The following ATP8B2 variants were observed in gnomAD, a reference collection of about 807,000 sequenced individuals.
The protein encoded by ATP8B2 is phospholipid-transporting ATPase ID.
A neutral mutation model predicts 133.4 loss-of-function variants in ATP8B2; 70 were observed. The ratio of observed to expected loss-of-function variants is 0.52; its 90% CI spans 0.43 to 0.64. ATP8B2 has a LOEUF of 0.64. Among genes scored for constraint, ATP8B2 ranks in the 30% least tolerant of loss-of-function variants. The probability of loss-of-function intolerance (pLI) is 0.00; values close to 1 mark genes in which losing one functional copy is unlikely to be tolerated. For missense variants in ATP8B2, 1,101 were observed against 1,535.7 expected, an observed-to-expected ratio of 0.72 and a Z score of 4.73; for synonymous variants, 517 against 589.5, an observed-to-expected ratio of 0.88 and a Z score of 1.78.
chr1:154,344,620 G>T lies in ATP8B2; in HGVS notation c.2142-21G>T. ...ACTGCCGTTCTGGAAGACCACAACC[G>T]TATCATTTCCACCTCGACAGGAAAG... On this transcript the variant is annotated intron_variant, in intron 20 of 27. Transcript: ENST00000368489. The surrounding 1 kb of genome is among the most constrained non-coding windows in gnomAD (Gnocchi z 4.1). 6.2e-7 allele frequency: 1 copy of T among 1,606,822 alleles called. No homozygotes were observed.
chr1:154,329,941 C>A (rs1394156009), intron 2 of ATP8B2, among the ~76,000 whole-genome samples: 4 of 152,160 alleles, frequency 2.6e-5, no homozygotes, highest in African/African-American at 9.7e-5. Flanking sequence ...CCACCTACCC[C>A]ACTCTCTAAA....
In ATP8B2 at chr1:154,344,135, A is replaced by AT. The variant is rs1400066921; in HGVS notation, c.1924-4dup. The AT allele has an allele frequency of 6.2e-7, 1 of 1,614,070 alleles. No homozygotes were observed. Among genetic ancestry groups the AT allele is most frequent in the Admixed American group, 1.7e-5 (1 of 60,006 alleles). ...TTCTTGTGCCAGGAATCCTTGTGGT[A>AT]TTTTCAGCTGCTGGGTGCAACGGCC... is the stretch of plus-strand genomic sequence containing the variant. On this transcript the variant is annotated splice_region_variant and splice_polypyrimidine_tract_variant and intron_variant, in intron 18 of 27. Coordinates refer to ENST00000368489, the MANE Select transcript of ATP8B2 (RefSeq NM_001370597.1). The surrounding 1 kb of genome is among the most constrained non-coding windows in gnomAD (Gnocchi z 4.1).
chr1:154,341,126 C>T (rs1686366282), intron 13 of ATP8B2, 64 bp downstream of exon 13: 1 of 1,549,690 alleles, frequency 6.5e-7, no homozygotes, highest in East Asian at 2.3e-5. Flanking sequence ...GGAACTGGGG[C>T]CCCACAGTTT....
Position 154,344,758 on chromosome 1 carries a change from C to A in ATP8B2, c.2259C>A (p.Tyr753Ter), listed in dbSNP as rs757088821. Residue 753 changes from tyrosine (Y) to a stop codon, truncating the protein, a stop_gained, in exon 21 of 28, where the codon TAC becomes TAA. Transcript: ENST00000368489. LOFTEE classifies it high-confidence loss of function. This position sits in a 1 kb window ranked among gnomAD's most constrained non-coding sequence, Gnocchi z 4.1. ...TSVLEAVAGEYALVINGHSLA... is the reference protein window; with the variant it reads ...TSVLEAVAGE ...TCCTGGAGGCCGTTGCTGGGGAGTA[C>A]GCCCTGGTCATAAATGGTCACAGCC... 2 of 1,605,082 alleles carry A rather than the reference C, an allele frequency of 1.2e-6. No individual in the cohort carries two copies. Among genetic ancestry groups the A allele is most frequent in the Non-Finnish European group, 1.7e-6 (2 of 1,172,544 alleles).
rs1022350460 is a variant in ATP8B2, at chr1:154,334,565, C to T, written c.811C>T (p.Arg271Cys). 21 of 1,613,820 alleles carry T rather than the reference C, an allele frequency of 1.3e-5. No individual in the cohort carries two copies. The highest frequency in any genetic ancestry group is 1.7e-5 in the Non-Finnish European group (20 of 1,179,996). Residue 271 changes from arginine to cysteine, a missense_variant, in exon 11 of 28, where the codon CGC becomes TGC. Transcript: ENST00000368489. The surrounding 1 kb of genome is among the most constrained non-coding windows in gnomAD (Gnocchi z 4.6). ...RTKFKRTSID[R>C]LMNTLVLWIF... is the part of the protein sequence containing the mutation. ...AAAGTTCAAAAGAACGAGTATCGAT[C>T]GCCTAATGAATACCCTGGTGCTCTG... is the stretch of plus-strand genomic sequence containing the variant.
intron 26 of ATP8B2, among the ~76,000 whole-genome samples, chr1:154,347,243 G>T (rs1185840844): frequency 6.6e-6 from 1 of 152,146 alleles, no homozygotes; most frequent in Non-Finnish European, 1.5e-5. Flanking sequence ...GGCTCTCTGG[G>T]AACTGTCAAT....
In ATP8B2 at chr1:154,344,960, C is replaced by T; in HGVS notation, c.2287-11C>T. On this transcript the variant is annotated splice_polypyrimidine_tract_variant and intron_variant, in intron 21 of 27. Transcript: ENST00000368489. This position sits in a 1 kb window ranked among gnomAD's most constrained non-coding sequence, Gnocchi z 4.1. ...GAAAGACTGGCTCTCTCAGGTTTCT[C>T]TGTGCTCCAGGCCCACGCACTGGAG... 6.2e-7 allele frequency: 1 copy of T among 1,604,194 alleles called. No homozygotes were observed. The highest frequency in any genetic ancestry group is 8.5e-7 in the Non-Finnish European group (1 of 1,174,300).
intron 26 of ATP8B2, among the ~76,000 whole-genome samples, chr1:154,347,906 A>G (rs893058625): frequency 2.0e-5 from 3 of 147,128 alleles, no homozygotes; most frequent in Non-Finnish European, 4.5e-5. Context: ...GCGCCATTGC[A>G]CTCCAGCCTG....
In ATP8B2 at chr1:154,348,554, A is replaced by G; in HGVS notation, c.3294+16A>G. On this transcript the variant is annotated intron_variant, in intron 27 of 27. Coordinates refer to ENST00000368489, the MANE Select transcript of ATP8B2 (RefSeq NM_001370597.1). Reference sequence around the variant, plus strand: ...CTCCGACACGGTGAGAAGCCAGGCTACCTGCTGTGGGAGGCAGAGATGGGG... The same window carrying G: ...CTCCGACACGGTGAGAAGCCAGGCTGCCTGCTGTGGGAGGCAGAGATGGGG... 1.2e-6 allele frequency: 2 copies of G among 1,612,284 alleles called. No individual in the cohort carries two copies. Among genetic ancestry groups the G allele is most frequent in the South Asian group, 1.1e-5 (1 of 91,034 alleles).
Position 154,328,776 on chromosome 1 carries a change from GGGCGGCGGC to G in ATP8B2, c.31+612_31+620del, listed in dbSNP as rs955296550. ...GCTGGCATCCGCCGGGGGGCATGGG[GGGCGGCGGC>G]GGCGGCGCAGCTGAGCTCGCGGTGT... On this transcript the variant is annotated intron_variant, in intron 2 of 27. Transcript: ENST00000368489. The surrounding 1 kb of genome is among the most constrained non-coding windows in gnomAD (Gnocchi z 4.6). The G allele has an allele frequency of 1.0e-6, 1 of 996,094 alleles. No homozygotes were observed. Among genetic ancestry groups the G allele is most frequent in the South Asian group, 4.3e-5 (1 of 23,242 alleles). The allele number at this position is 996,094 out of a possible 1,614,324, so 61.7% of individuals were successfully genotyped here.
Position 154,346,447 on chromosome 1 carries a change from A to G in ATP8B2, c.2995A>G (p.Thr999Ala). 5.6e-6 allele frequency: 9 copies of G among 1,614,066 alleles called. 1 individual carries two copies. Among genetic ancestry groups the G allele is most frequent in the Non-Finnish European group, 5.1e-6 (6 of 1,179,958 alleles). ...DYQSFAVTVATSLVIVVSVQI... is the reference protein window; with the variant it reads ...DYQSFAVTVAASLVIVVSVQI... ...CCAGTCCTTTGCAGTCACTGTGGCC[A>G]CATCCTTGGTCATTGTGGTTAGCGT... Residue 999 changes from threonine (T) to alanine (A), a missense_variant, in exon 25 of 28, where the codon ACA becomes GCA. Coordinates refer to ENST00000368489, the MANE Select transcript of ATP8B2 (RefSeq NM_001370597.1). This position sits in a 1 kb window ranked among gnomAD's most constrained non-coding sequence, Gnocchi z 4.5.
In ATP8B2 at chr1:154,344,669, T is replaced by A. The variant is rs1168071231; in HGVS notation, c.2170T>A (p.Ser724Thr). 1 of 1,611,900 alleles carries A rather than the reference T, an allele frequency of 6.2e-7. No individual in the cohort carries two copies. Among genetic ancestry groups the A allele is most frequent in the Non-Finnish European group, 8.5e-7 (1 of 1,178,236 alleles). ...RKAREKMMDSSRSVGNGFTYQ... is the reference protein window; with the variant it reads ...RKAREKMMDSTRSVGNGFTYQ... ...AGCCCGGGAGAAGATGATGGACTCA[T>A]CCCGCTCCGTAGGCAACGGCTTCAC... Residue 724 changes from serine to threonine, a missense_variant, in exon 21 of 28, where the codon TCC becomes ACC. Transcript: ENST00000368489. This position sits in a 1 kb window ranked among gnomAD's most constrained non-coding sequence, Gnocchi z 4.1.
chr1:154,342,585 G>A, intron 14 of ATP8B2, 62 bp downstream of exon 14: 2 of 1,536,322 alleles, frequency 1.3e-6, no homozygotes, highest in Non-Finnish European at 9.0e-7. Context: ...CAGTAACAGT[G>A]TAGTCAGGAG....
intron 26 of ATP8B2, 32 bp from the exon 27 acceptor site, chr1:154,348,376 T>C: frequency 6.3e-7 from 1 of 1,581,814 alleles, no homozygotes. Context: ...GCCTCGTGAC[T>C]CCCAAGGCCA....
chr1:154,338,970 G>T (rs144509536), intron 12 of ATP8B2, among the ~76,000 whole-genome samples: 1 of 152,226 alleles, frequency 6.6e-6, no homozygotes, highest in African/African-American at 2.4e-5. Context: ...GGGGAGGATC[G>T]GAGGAAGACG....
rs746443849 is a variant in ATP8B2 at position 154,342,784 on chromosome 1, T to G, written c.1288-12T>G. The G allele has an allele frequency of 2.5e-6, 4 of 1,613,566 alleles. No individual in the cohort carries two copies. The East Asian group carries it at 8.9e-5, about 36-fold the overall frequency. ...CTCTAGCCTTTCCTAAGAGCCTTCT[T>G]ATGTGTTTCAGAGGCCTGAACCTGT... On this transcript the variant is annotated splice_polypyrimidine_tract_variant and intron_variant, in intron 14 of 27. Coordinates refer to ENST00000368489, the MANE Select transcript of ATP8B2 (RefSeq NM_001370597.1).
Position 154,325,678 on chromosome 1 carries a change from C to G in ATP8B2, c.-62C>G, listed in dbSNP as rs937167719. ...CATGGGCAGTACGGGGCCGCCGGGG[C>G]GGGCGCCGAGCGCTGAGCGCTGAGG... On this transcript the variant is annotated 5_prime_UTR_variant, in exon 1 of 28. Transcript: ENST00000368489. The G allele has an allele frequency of 6.6e-6, 1 of 152,018 alleles. No individual in the cohort carries two copies. Among genetic ancestry groups the G allele is most frequent in the African/African-American group, 2.4e-5 (1 of 41,402 alleles). 9.4% of individuals were successfully genotyped at this position (152,018 alleles called of 1,614,324 possible).
At position 154,330,802 on chromosome 1, in the gene ATP8B2, CCTA is replaced by C. The variant is rs1451091435; in HGVS notation, c.91-10_91-8del. The C allele has an allele frequency of 5.6e-6, 9 of 1,604,784 alleles. No homozygotes were observed. The highest frequency in any genetic ancestry group is 7.7e-6 in the Non-Finnish European group (9 of 1,171,714). ...CTGGAGACTGCTCATTATCTTCTCT[CCTA>C]CTGCCATAGAGTAACTGCATCAAGA... On this transcript the variant is annotated splice_polypyrimidine_tract_variant and intron_variant, in intron 3 of 27. Coordinates refer to ENST00000368489, the MANE Select transcript of ATP8B2 (RefSeq NM_001370597.1).
In ATP8B2 at chr1:154,343,309, C is replaced by G. The variant is rs1353656907; in HGVS notation, c.1642+8C>G. The G allele has an allele frequency of 3.7e-6, 6 of 1,613,790 alleles. No homozygotes were observed. The highest frequency in any genetic ancestry group is 4.2e-6 in the Non-Finnish European group (5 of 1,179,816). On this transcript the variant is annotated splice_region_variant and intron_variant, in intron 16 of 27. Transcript: ENST00000368489. This position sits in a 1 kb window ranked among gnomAD's most constrained non-coding sequence, Gnocchi z 5.8. ...AGCGGATGTCGGTCATAGGTGAGGC[C>G]AGGCCTGGGGTGCTGGGGCGTTTGG...
Sources: allele counts gnomAD v4.1 joint callset (sites outside exome capture counted in the v4.1 genomes callset), GRCh38; gene constraint gnomAD v4.1.1; non-coding constraint Gnocchi (gnomAD v3.1); transcripts MANE v1.5; gene names NCBI Gene and HGNC (gene_info 2026-07-23, HGNC 2026-07-21).